Variants in TET3 observed in about 807,000 individuals in gnomAD.
TET3 encodes tet methylcytosine dioxygenase 3.
In TET3, 19 loss-of-function variants were observed where a neutral mutation model predicts 141.4. The observed-to-expected ratio is 0.13, with a 90% CI of 0.09 to 0.20. TET3 has a LOEUF of 0.20. Among genes scored for constraint, TET3 ranks in the 10% least tolerant of loss-of-function variants. TET3 has a pLI of 1.00. For missense variants in TET3, 1,874 were observed against 2,356.9 expected, an observed-to-expected ratio of 0.80 and a Z score of 4.24; for synonymous variants, 1,043 against 980.9, an observed-to-expected ratio of 1.06 and a Z score of -1.18.
intron 3 of TET3, among the ~76,000 whole-genome samples, chr2:74,010,085 G>A (rs1229004259): frequency 1.3e-5 from 2 of 152,216 alleles, no homozygotes; most frequent in Non-Finnish European, 2.9e-5. Flanking sequence ...CCAGCTGTGG[G>A]TTCCCAGAGG....
In TET3 at chr2:74,102,418, C is replaced by T. The variant is rs1691277330; in HGVS notation, c.*242C>T. The T allele has an allele frequency of 7.2e-6, 3 of 417,012 alleles. No homozygotes were observed. The highest frequency in any genetic ancestry group is 1.2e-4 in the South Asian group (1 of 8,072). 25.8% of individuals were successfully genotyped at this position (417,012 alleles called of 1,614,324 possible). ...AACTACGGCTGTCGGGTGATTTTTC[C>T]GTGATCTTAATATTTATATCTCCAA... On this transcript the variant is annotated 3_prime_UTR_variant, in exon 12 of 12. Coordinates refer to ENST00000409262, the MANE Select transcript of TET3 (RefSeq NM_001287491.2).
intron 3 of TET3, among the ~76,000 whole-genome samples, chr2:74,011,431 T>TAGTA (rs1685429293): frequency 6.6e-6 from 1 of 152,180 alleles, no homozygotes; most frequent in African/African-American, 2.4e-5. Context: ...CATAGTACAG[T>TAGTA]AGTACGTGCT....
intron 3 of TET3, among the ~76,000 whole-genome samples, chr2:74,033,636 GT>G (rs368501858): frequency 1.1e-4 from 17 of 152,278 alleles, no homozygotes; most frequent in African/African-American, 4.1e-4. Context: ...GAACTTTTTG[GT>G]TTCCCAGTGC....
At chr2:74,010,295 A>G (rs1271647483) in intron 3 of TET3, among the ~76,000 whole-genome samples, 3 of 152,146 alleles carry the variant, frequency 2.0e-5, no homozygotes, top group African/African-American at 7.2e-5. Context: ...TGCCGCCTCC[A>G]TGTGGGGGGT....
At chr2:74,030,611 CTTAT>C (rs1372718005) in intron 3 of TET3, among the ~76,000 whole-genome samples, 1 of 152,088 alleles carries the variant, frequency 6.6e-6, no homozygotes, top group Admixed American at 6.5e-5. Flanking sequence ...GATTTATTTA[CTTAT>C]TTATTTTTAC....
intron 6 of TET3, 90 bp downstream of exon 6, chr2:74,080,681 T>G: frequency 3.8e-5 from 19 of 502,788 alleles, no homozygotes; most frequent in East Asian, 1.1e-4. Flanking sequence ...TTGCTGCATG[T>G]AGCTGAGCAG....
At chr2:74,024,700 T>A (rs902739741) in intron 3 of TET3, among the ~76,000 whole-genome samples, 3 of 152,102 alleles carry the variant, frequency 2.0e-5, no homozygotes, top group African/African-American at 7.2e-5. Context: ...GTTGTAAGAT[T>A]TGGGGAATGT....
Position 74,047,744 on chromosome 2 carries a change from C to A in TET3, c.1827C>A (p.Ile609=). Residue 609 remains isoleucine, a synonymous_variant, in exon 4 of 12, where the codon ATC becomes ATA. Transcript: ENST00000409262. ...CCAGTGTCCGAAAGCCCATTCAGATCAAGAAGTCCAGGCCCCGGGAAGCAC... is the reference window on the plus strand; with the variant it reads ...CCAGTGTCCGAAAGCCCATTCAGATAAAGAAGTCCAGGCCCCGGGAAGCAC... ...IKPSVRKPIQ[I]KKSRPREAQP... The A allele has an allele frequency of 6.2e-7, 1 of 1,613,758 alleles. No individual in the cohort carries two copies. The highest frequency in any genetic ancestry group is 1.7e-5 in the Admixed American group (1 of 60,002).
chr2:74,022,833 G>A (rs1297283780), intron 3 of TET3, among the ~76,000 whole-genome samples: 1 of 152,136 alleles, frequency 6.6e-6, no homozygotes, highest in African/African-American at 2.4e-5. Flanking sequence ...CTGGAGTGCA[G>A]TGGCATGATC....
chr2:74,092,898 G>A lies in TET3; in HGVS notation c.3040-4G>A. The A allele has an allele frequency of 1.3e-6, 2 of 1,582,938 alleles. No homozygotes were observed. The highest frequency in any genetic ancestry group is 1.2e-5 in the South Asian group (1 of 86,308). On this transcript the variant is annotated splice_region_variant and splice_polypyrimidine_tract_variant and intron_variant, in intron 8 of 11. Transcript: ENST00000409262. ...TGGATGTGTGACTGCCCCTCTCTCT[G>A]CAGGAAGAAGTGCTCCGGAAGAGTT... is the stretch of plus-strand genomic sequence containing the variant.
chr2:74,105,649 G>C lies in TET3; in HGVS notation c.*3473G>C. On this transcript the variant is annotated 3_prime_UTR_variant, in exon 12 of 12. Coordinates refer to ENST00000409262, the MANE Select transcript of TET3 (RefSeq NM_001287491.2). ...CCGCCCCCTCTTGGTCCTTCCACCA[G>C]CCTCTTTTGGGAACAGTAGTTTGCA... The C allele has an allele frequency of 2.8e-6, 1 of 352,606 alleles. No individual in the cohort carries two copies. Among genetic ancestry groups the C allele is most frequent in the Non-Finnish European group, 5.1e-6 (1 of 196,846 alleles). The allele number at this position is 352,606 out of a possible 1,614,324, so 21.8% of individuals were successfully genotyped here.
Position 74,103,151 on chromosome 2 carries a change from T to A in TET3, c.*975T>A, listed in dbSNP as rs1015624161. On this transcript the variant is annotated 3_prime_UTR_variant, in exon 12 of 12. Coordinates refer to ENST00000409262, the MANE Select transcript of TET3 (RefSeq NM_001287491.2). ...TGAAGGAATTTGTCTTAGTGGCAGT[T>A]TTTTAAAAAATGCCCCCAAAGTCTA... The A allele has an allele frequency of 1.3e-5, 2 of 152,194 alleles. No individual in the cohort carries two copies. Among genetic ancestry groups the A allele is most frequent in the African/African-American group, 4.8e-5 (2 of 41,444 alleles). 9.4% of individuals were successfully genotyped at this position (152,194 alleles called of 1,614,324 possible). A position where few individuals can be genotyped will look rare whatever the true frequency, so the allele number is the denominator to read the frequency against.
chr2:74,067,290 A>G (rs116505716), intron 4 of TET3, among the ~76,000 whole-genome samples: 20 of 152,228 alleles, frequency 1.3e-4, no homozygotes, highest in Non-Finnish European at 1.6e-4. Context: ...ATCTTCAACA[A>G]TTCTATTATG....
At chr2:74,071,801 A>G (rs1056111023) in intron 4 of TET3, among the ~76,000 whole-genome samples, 5 of 152,208 alleles carry the variant, frequency 3.3e-5, no homozygotes, top group Non-Finnish European at 7.3e-5. Flanking sequence ...TAGCCTCCTA[A>G]TATCCAGCCA....
chr2:73,995,945 G>A (rs1002937502), intron 2 of TET3, among the ~76,000 whole-genome samples: 5 of 152,058 alleles, frequency 3.3e-5, no homozygotes, highest in African/African-American at 9.7e-5. Context: ...TTTACTTGTC[G>A]CTATGGGAGA....
chr2:74,042,016 C>G (rs1218765510), intron 3 of TET3, among the ~76,000 whole-genome samples: 1 of 152,222 alleles, frequency 6.6e-6, no homozygotes, highest in Non-Finnish European at 1.5e-5. Flanking sequence ...AGTGAGCCTT[C>G]TCTATCATTA....
At chr2:74,035,412 C>T (rs7607975) in intron 3 of TET3, among the ~76,000 whole-genome samples, 1,557 of 143,700 alleles carry the variant, frequency 0.011, 31 homozygotes, top group African/African-American at 0.037. Context: ...TGCAGTGAGC[C>T]GAGATCGCGC....
intron 8 of TET3, among the ~76,000 whole-genome samples, chr2:74,091,418 C>G (rs1285696918): frequency 1.3e-5 from 2 of 152,260 alleles, no homozygotes; most frequent in Non-Finnish European, 2.9e-5. Flanking sequence ...TCCCAGTGAT[C>G]TAGGCACTGT....
chr2:74,075,984 G>A (rs559372808), intron 5 of TET3, among the ~76,000 whole-genome samples: 1 of 152,226 alleles, frequency 6.6e-6, no homozygotes, highest in African/African-American at 2.4e-5. Context: ...TTGCTGCAGG[G>A]GAGTCAAATG....
Sources: gnomAD v4.1 joint callset for allele counts (sites outside exome capture counted in the v4.1 genomes callset) on GRCh38, gnomAD v4.1.1 for gene constraint, MANE v1.5 for transcripts, NCBI Gene and HGNC (gene_info 2026-07-23, HGNC 2026-07-21) for gene names.